Variants in PCCA observed in about 807,000 individuals in gnomAD.
PCCA encodes propionyl-CoA carboxylase subunit alpha, also known as propionyl-CoA carboxylase alpha chain, mitochondrial.
Under a neutral mutation model 101.3 loss-of-function variants are expected in PCCA, and 74 were observed. The observed-to-expected ratio is 0.73, with a 90% CI of 0.61 to 0.89. PCCA has a LOEUF of 0.89. Among genes scored for constraint, PCCA ranks in the 40% least tolerant of loss-of-function variants. The pLI is 0.00. For synonymous variants in PCCA, 294 were observed against 313.6 expected (o/e 0.94, Z 0.66); for missense variants, 891 against 907.0 (o/e 0.98, Z 0.23).
intron 18 of PCCA, among the ~76,000 whole-genome samples, chr13:100,365,068 T>C (rs2152806970): frequency 6.6e-6 from 1 of 152,176 alleles, no homozygotes; most frequent in South Asian, 2.1e-4. Flanking sequence ...AAGGAAAAAA[T>C]TGTTAGAAAA....
intron 16 of PCCA, among the ~76,000 whole-genome samples, chr13:100,329,268 A>G (rs1362665368): frequency 2.0e-5 from 3 of 152,160 alleles, no homozygotes; most frequent in Admixed American, 6.5e-5. Context: ...AAATCTGAGC[A>G]ATTTTCTTAT....
intron 2 of PCCA, among the ~76,000 whole-genome samples, chr13:100,108,407 T>C (rs935589113): frequency 1.3e-5 from 2 of 152,198 alleles, no homozygotes; most frequent in Non-Finnish European, 1.5e-5. Context: ...TCTCCACATA[T>C]AGGATCAAGT....
intron 21 of PCCA, among the ~76,000 whole-genome samples, chr13:100,494,746 A>G (rs1456649424): frequency 2.6e-5 from 4 of 151,830 alleles, no homozygotes; most frequent in Middle Eastern, 3.4e-3. Flanking sequence ...TGCCTTATCT[A>G]CTAGTGAAGA....
chr13:100,427,732 TA>T (rs79186516), intron 20 of PCCA, among the ~76,000 whole-genome samples: 569 of 131,894 alleles, frequency 4.3e-3, no homozygotes, highest in Middle Eastern at 7.6e-3. Context: ...GTCGTTTACC[TA>T]AAAAAAAAAA....
chr13:100,364,971 C>G (rs1235964310), intron 18 of PCCA, among the ~76,000 whole-genome samples: 4 of 152,126 alleles, frequency 2.6e-5, no homozygotes, highest in Admixed American at 2.6e-4. Context: ...ATCATTTGAG[C>G]CCAGGAGTTC....
intron 4 of PCCA, among the ~76,000 whole-genome samples, chr13:100,134,094 G>C (rs917258779): frequency 6.6e-6 from 1 of 152,108 alleles, no homozygotes; most frequent in Non-Finnish European, 1.5e-5. Flanking sequence ...ACTTCACCTT[G>C]TGATCATGCG....
At chr13:100,138,954 A>G (rs9557394) in intron 4 of PCCA, among the ~76,000 whole-genome samples, 36,282 of 132,272 alleles carry the variant, frequency 0.27, 5,932 homozygotes, top group East Asian at 0.66. Context: ...AAAAAAAAAA[A>G]AAAGAAAGAA....
chr13:100,131,848 C>T (rs1446127842), intron 4 of PCCA, among the ~76,000 whole-genome samples: 1 of 152,116 alleles, frequency 6.6e-6, no homozygotes, highest in Non-Finnish European at 1.5e-5. Flanking sequence ...GTGGAAGAAG[C>T]AGACATTTTA....
At chr13:100,330,437 A>T in intron 16 of PCCA, 124 bp from the exon 17 acceptor site, 1 of 672,382 alleles carries the variant, frequency 1.5e-6, no homozygotes. Context: ...GAATTCAAGG[A>T]AATAAGTAAT....
At chr13:100,488,381 G>A (rs1047101509) in intron 21 of PCCA, among the ~76,000 whole-genome samples, 9 of 151,976 alleles carry the variant, frequency 5.9e-5, no homozygotes, top group Non-Finnish European at 1.2e-4. Flanking sequence ...GGTGTGAGCC[G>A]GCCGACCCTA....
At chr13:100,487,344 T>G (rs1371159988) in intron 21 of PCCA, among the ~76,000 whole-genome samples, 1 of 152,214 alleles carries the variant, frequency 6.6e-6, no homozygotes. Flanking sequence ...ACCATGAATT[T>G]TTTTTAACCC....
intron 21 of PCCA, 23 bp downstream of exon 21, chr13:100,449,328 T>A: frequency 7.2e-7 from 1 of 1,398,306 alleles, no homozygotes; most frequent in Non-Finnish European, 9.9e-7. Flanking sequence ...TCATTCTTTA[T>A]TCTCTTAATT....
chr13:100,304,725 T>C lies in PCCA; in HGVS notation c.1284+1727T>C, dbSNP rs377604481. Among the ~76,000 whole-genome samples the C allele has an allele frequency of 9.9e-4, 151 of 152,320 alleles. 4 individuals carry two copies. The South Asian group carries it at 0.028, about 29-fold the overall frequency. On this transcript the variant is annotated intron_variant, in intron 14 of 23. Transcript: ENST00000376285. ...CTTGGGTGTTTTGTTGTGGTTGTTATTGTTTGTTTTTCTTCCTTGTCTTAT... is the reference window on the plus strand; with the variant it reads ...CTTGGGTGTTTTGTTGTGGTTGTTACTGTTTGTTTTTCTTCCTTGTCTTAT...
intron 21 of PCCA, among the ~76,000 whole-genome samples, chr13:100,488,760 C>T (rs1001855910): frequency 3.3e-5 from 5 of 151,446 alleles, no homozygotes; most frequent in Non-Finnish European, 7.4e-5. Context: ...GAGCTAGGAT[C>T]GCATCACTGC....
At chr13:100,303,521 A>G (rs1355005962) in intron 14 of PCCA, among the ~76,000 whole-genome samples, 7 of 152,094 alleles carry the variant, frequency 4.6e-5, no homozygotes. Flanking sequence ...ATTTTATTCC[A>G]TAGCTCTTCT....
chr13:100,111,717 C>G (rs2048336025), intron 2 of PCCA, 124 bp from the exon 3 acceptor site: 1 of 666,096 alleles, frequency 1.5e-6, no homozygotes, highest in Admixed American at 2.6e-5. Context: ...TAATGTTACT[C>G]TAGGAAGTAA....
At chr13:100,183,812 C>A (rs951508765) in intron 6 of PCCA, among the ~76,000 whole-genome samples, 1 of 152,086 alleles carries the variant, frequency 6.6e-6, no homozygotes, top group Non-Finnish European at 1.5e-5. Context: ...TTTGTTTATA[C>A]CATTCAAGCT....
rs367644587 is a variant in PCCA at position 100,329,805 on chromosome 13, G to A, written c.1430-756G>A. 4.6e-5 allele frequency among the ~76,000 whole-genome samples: 7 copies of A among 152,110 alleles called. No individual in the cohort carries two copies. In the East Asian group the frequency reaches 7.7e-4, roughly 17 times the overall value. On this transcript the variant is annotated intron_variant, in intron 16 of 23. Transcript: ENST00000376285. ...GCACCAAAAAAAGGTCATGGTCACTGTTTAGTGGTCTGTTGCTGGTCTGAT... is the reference window on the plus strand; with the variant it reads ...GCACCAAAAAAAGGTCATGGTCACTATTTAGTGGTCTGTTGCTGGTCTGAT...
At chr13:100,171,602 T>C (rs1248179605) in intron 6 of PCCA, among the ~76,000 whole-genome samples, 1 of 152,236 alleles carries the variant, frequency 6.6e-6, no homozygotes, top group African/African-American at 2.4e-5. Context: ...TTAATAATTC[T>C]TTACGGCCAG....
Sources: allele counts gnomAD v4.1 joint callset (sites outside exome capture counted in the v4.1 genomes callset), GRCh38; gene constraint gnomAD v4.1.1; transcripts MANE v1.5; gene names NCBI Gene and HGNC (gene_info 2026-07-23, HGNC 2026-07-21).